KHDRBS3: variants seen among roughly 807,000 people sequenced by gnomAD.
KHDRBS3 encodes KH domain-containing, RNA-binding, signal transduction-associated protein 3.
In KHDRBS3, 23 loss-of-function variants were observed where a neutral mutation model predicts 45.6. That is an observed-to-expected ratio of 0.50 (90% CI 0.36 to 0.72). The LOEUF (loss-of-function observed/expected upper bound fraction) is 0.72, where lower values mean the gene tolerates loss of function less well. KHDRBS3 is among the 30% of genes least tolerant of loss of function. The pLI is 0.00. For synonymous variants in KHDRBS3, 162 were observed against 156.5 expected (o/e 1.04, Z -0.26); for missense variants, 352 against 424.8 (o/e 0.83, Z 1.51).
chr8:135,638,424 T>C (rs1003163370), intron 7 of KHDRBS3, among the ~76,000 whole-genome samples: 1 of 152,120 alleles, frequency 6.6e-6, no homozygotes, highest in Non-Finnish European at 1.5e-5. Context: ...AAATAAGGGG[T>C]AGCTTTTATA....
intron 1 of KHDRBS3, among the ~76,000 whole-genome samples, chr8:135,459,297 A>G (rs941196008): frequency 1.7e-4 from 26 of 152,204 alleles, no homozygotes; most frequent in African/African-American, 5.8e-4. Flanking sequence ...ACTGTCTCCA[A>G]GAATTTAAGA....
intron 1 of KHDRBS3, among the ~76,000 whole-genome samples, chr8:135,501,690 A>G (rs1318727148): frequency 2.0e-5 from 3 of 152,168 alleles, no homozygotes; most frequent in African/African-American, 7.2e-5. Context: ...AGCTCGCAGA[A>G]AAGTTTGAGT....
intron 4 of KHDRBS3, among the ~76,000 whole-genome samples, chr8:135,551,760 C>T (rs915980420): frequency 1.2e-4 from 19 of 152,106 alleles, no homozygotes; most frequent in African/African-American, 4.3e-4. Context: ...TTTGGGTGCC[C>T]TTCATTTCTT....
intron 6 of KHDRBS3, among the ~76,000 whole-genome samples, chr8:135,598,379 A>G (rs1351682813): frequency 6.6e-6 from 1 of 152,176 alleles, no homozygotes; most frequent in Non-Finnish European, 1.5e-5. Context: ...TATTATGATT[A>G]CCATTTTGCA....
intron 1 of KHDRBS3, among the ~76,000 whole-genome samples, chr8:135,505,758 G>A (rs916332324): frequency 1.3e-5 from 2 of 152,042 alleles, no homozygotes; most frequent in Admixed American, 1.3e-4. Flanking sequence ...GGTCCTCACA[G>A]GGCTGGGACT....
At position 135,584,127 on chromosome 8, in the gene KHDRBS3, TTGTTTGA is replaced by T. The variant is rs982309880; in HGVS notation, c.807+2056_807+2062del. The stretch of plus-strand genomic sequence containing the variant: ...CTCTAAAGGAAAAAGTCAACCTTCA[TTGTTTGA>T]TTCCCACACTCACTCATGCCTGGCA... On this transcript the variant is annotated intron_variant, in intron 6 of 8. Transcript: ENST00000355849. 2.5e-4 allele frequency among the ~76,000 whole-genome samples: 38 copies of T among 152,302 alleles called. No homozygotes were observed. In the East Asian group the frequency reaches 3.7e-3, roughly 15 times the overall value.
rs529669280 is a variant in KHDRBS3 at position 135,581,783 on chromosome 8, G to A, written c.612-95G>A. The A allele has an allele frequency of 2.2e-5, 22 of 988,784 alleles. No individual in the cohort carries two copies. In the African/African-American group the frequency reaches 3.5e-4, roughly 16 times the overall value. The allele number at this position is 988,784 out of a possible 1,614,324, so 61.3% of individuals were successfully genotyped here. A position where few individuals can be genotyped will look rare whatever the true frequency, so the allele number is the denominator to read the frequency against. ...CCTTCTTCCTTTTTACAAAAATATAGAACATTGATTTTGTTTCTGAGGTAT... is the reference window on the plus strand; with the variant it reads ...CCTTCTTCCTTTTTACAAAAATATAAAACATTGATTTTGTTTCTGAGGTAT... On this transcript the variant is annotated intron_variant, in intron 5 of 8. Transcript: ENST00000355849.
At chr8:135,590,470 C>G (rs951778313) in intron 6 of KHDRBS3, among the ~76,000 whole-genome samples, 3 of 152,170 alleles carry the variant, frequency 2.0e-5, no homozygotes, top group African/African-American at 7.2e-5. Context: ...GCAGGTTAGT[C>G]TAAATGACGT....
At chr8:135,612,578 G>A (rs146883416) in intron 7 of KHDRBS3, among the ~76,000 whole-genome samples, 1 of 151,928 alleles carries the variant, frequency 6.6e-6, no homozygotes, top group East Asian at 1.9e-4. Context: ...GACAATTCAG[G>A]TTCCATAAGA....
chr8:135,533,152 G>A (rs1825565438), intron 2 of KHDRBS3, among the ~76,000 whole-genome samples: 1 of 152,128 alleles, frequency 6.6e-6, no homozygotes, highest in Admixed American at 6.5e-5. Context: ...GTGCCTGGTT[G>A]CAGATTTATG....
At chr8:135,542,579 T>C (rs1380358589) in intron 2 of KHDRBS3, 75 bp from the exon 3 acceptor site, 4 of 898,846 alleles carry the variant, frequency 4.5e-6, no homozygotes, top group Non-Finnish European at 7.5e-6. Context: ...CACACTACAG[T>C]GTTTCTTAAC....
intron 2 of KHDRBS3, among the ~76,000 whole-genome samples, chr8:135,534,589 A>G (rs989928356): frequency 2.6e-5 from 4 of 152,138 alleles, no homozygotes; most frequent in Non-Finnish European, 2.9e-5. Context: ...AGGCCTTAGA[A>G]AAGACCATAA....
intron 5 of KHDRBS3, among the ~76,000 whole-genome samples, chr8:135,558,778 A>AT (rs11365631): frequency 4.4e-4 from 66 of 150,680 alleles, no homozygotes; most frequent in Non-Finnish European, 8.1e-4. Flanking sequence ...ATTACCACAG[A>AT]TTTTTTTTTT....
chr8:135,531,306 T>C (rs2130711697), intron 2 of KHDRBS3, among the ~76,000 whole-genome samples: 1 of 152,278 alleles, frequency 6.6e-6, no homozygotes, highest in South Asian at 2.1e-4. Context: ...TTACAGTCAA[T>C]GGAGTAACAC....
chr8:135,600,521 G>C (rs1214201062), intron 6 of KHDRBS3, among the ~76,000 whole-genome samples: 1 of 152,224 alleles, frequency 6.6e-6, no homozygotes, highest in East Asian at 1.9e-4. Context: ...TTTTTCTCCA[G>C]ATGTTAATGC....
At chr8:135,631,958 G>A (rs1830622472) in intron 7 of KHDRBS3, among the ~76,000 whole-genome samples, 1 of 152,214 alleles carries the variant, frequency 6.6e-6, no homozygotes, top group South Asian at 2.1e-4. Flanking sequence ...CACGGCTACA[G>A]CGATAGAAAT....
At chr8:135,597,788 A>G (rs908903766) in intron 6 of KHDRBS3, among the ~76,000 whole-genome samples, 7 of 152,186 alleles carry the variant, frequency 4.6e-5, no homozygotes, top group African/African-American at 1.2e-4. Flanking sequence ...TATGGACCCA[A>G]TGAAATTTAG....
intron 1 of KHDRBS3, among the ~76,000 whole-genome samples, chr8:135,459,564 C>G (rs1047966494): frequency 6.6e-6 from 1 of 152,188 alleles, no homozygotes; most frequent in Non-Finnish European, 1.5e-5. Flanking sequence ...AAAGAAATTT[C>G]TTCATACATT....
At chr8:135,559,512 C>A (rs1311263037) in intron 5 of KHDRBS3, among the ~76,000 whole-genome samples, 1 of 152,036 alleles carries the variant, frequency 6.6e-6, no homozygotes, top group Non-Finnish European at 1.5e-5. Context: ...GCCACCACAC[C>A]TGGTTAATTT....
Sources: allele counts gnomAD v4.1 joint callset (sites outside exome capture counted in the v4.1 genomes callset), GRCh38; gene constraint gnomAD v4.1.1; transcripts MANE v1.5; gene names NCBI Gene and HGNC (gene_info 2026-07-23, HGNC 2026-07-21).